GUCY1A2: variants seen among roughly 807,000 people sequenced by gnomAD.
GUCY1A2 encodes the protein guanylate cyclase 1 soluble subunit alpha 2.
GUCY1A2 carries 27 observed loss-of-function variants against 63.5 expected under a neutral mutation model. The ratio of observed to expected loss-of-function variants is 0.43; its 90% CI spans 0.31 to 0.59. The LOEUF is 0.59. Ranked by LOEUF, GUCY1A2 falls within the 20% of genes least tolerant of loss-of-function variation. GUCY1A2 has a pLI of 0.11. For synonymous variants in GUCY1A2, 364 were observed against 343.5 expected (o/e 1.06, Z -0.66); for missense variants, 768 against 913.3 (o/e 0.84, Z 2.05).
At position 107,017,925 on chromosome 11, in the gene GUCY1A2, C is replaced by CCGGG; in HGVS notation, c.127_130dup (p.Gly44AlafsTer75). 1 of 1,312,718 alleles carries CCGGG rather than the reference C, an allele frequency of 7.6e-7. No homozygotes were observed. The highest frequency in any genetic ancestry group is 3.4e-5 in the Admixed American group (1 of 29,838). 81.3% of individuals were successfully genotyped at this position (1,312,718 alleles called of 1,614,324 possible). A position where few individuals can be genotyped will look rare whatever the true frequency, so the allele number is the denominator to read the frequency against. ...TGCGGCCGGGCTGGGCTCCAGCGGC[C>CCGGG]CGGGCGGGCTCCGGCTGCCATTCCA... On this transcript the variant is annotated frameshift_variant, in exon 1 of 8. Transcript: ENST00000526355. LOFTEE classifies it high-confidence loss of function.
intron 4 of GUCY1A2, among the ~76,000 whole-genome samples, chr11:106,850,142 T>G (rs753770621): frequency 6.6e-6 from 1 of 151,800 alleles, no homozygotes; most frequent in East Asian, 1.9e-4. Flanking sequence ...CATATTCCCA[T>G]GTTTCCTTCT....
intron 6 of GUCY1A2, among the ~76,000 whole-genome samples, chr11:106,772,290 T>C (rs1039016539): frequency 2.0e-5 from 3 of 152,178 alleles, no homozygotes; most frequent in Non-Finnish European, 2.9e-5. Context: ...ATTGCTATTA[T>C]AATAACTTGT....
At chr11:106,735,669 A>T (rs1863576954) in intron 6 of GUCY1A2, among the ~76,000 whole-genome samples, 1 of 152,144 alleles carries the variant, frequency 6.6e-6, no homozygotes, top group Non-Finnish European at 1.5e-5. Context: ...TTGCTGGATC[A>T]TATGGTAGTT....
chr11:106,808,058 T>A lies in GUCY1A2; in HGVS notation c.1692+1935A>T, dbSNP rs566584395. ...CTATGGTGGGATTCCACCTTGTGAC[T>A]GTGTGAGTCAATACTCCTTAATAAA... On this transcript the variant is annotated intron_variant, in intron 5 of 7. Coordinates refer to ENST00000526355, the MANE Select transcript of GUCY1A2 (RefSeq NM_000855.3). Among the ~76,000 whole-genome samples, 45 of 152,288 alleles carry A rather than the reference T, an allele frequency of 3.0e-4. 2 individuals carry two copies. In the South Asian group the frequency reaches 8.3e-3, roughly 28 times the overall value.
In GUCY1A2 at chr11:106,725,878, T is replaced by C. The variant is rs79373487; in HGVS notation, c.1837-17212A>G. Among the ~76,000 whole-genome samples, 710 of 151,430 alleles carry C rather than the reference T, an allele frequency of 4.7e-3. 6 individuals carry two copies. Among genetic ancestry groups the C allele is most frequent in the African/African-American group, 0.016 (643 of 41,328 alleles). On this transcript the variant is annotated intron_variant, in intron 6 of 7. Coordinates refer to ENST00000526355, the MANE Select transcript of GUCY1A2 (RefSeq NM_000855.3). ...TTCTTACTCCAGATCTTTTTTTTTT[T>C]CCCTCCTTTTATATACCCATCCACA...
chr11:106,976,804 C>T (rs577048287), intron 3 of GUCY1A2, among the ~76,000 whole-genome samples: 1 of 152,290 alleles, frequency 6.6e-6, no homozygotes, highest in Non-Finnish European at 1.5e-5. Context: ...GTTATAAACA[C>T]TGCACTCACC....
chr11:106,781,055 G>A (rs1864450420), intron 5 of GUCY1A2, among the ~76,000 whole-genome samples: 1 of 141,194 alleles, frequency 7.1e-6, no homozygotes, highest in South Asian at 2.3e-4. Flanking sequence ...CATTGCTCCT[G>A]AGTTTATTTC....
chr11:106,957,549 G>A (rs1861003374), intron 3 of GUCY1A2, among the ~76,000 whole-genome samples: 1 of 151,712 alleles, frequency 6.6e-6, no homozygotes. Flanking sequence ...CCCCTTCCCC[G>A]TGTGGCTCTC....
chr11:107,009,721 C>CA (rs1861718264), intron 1 of GUCY1A2, among the ~76,000 whole-genome samples: 1 of 152,140 alleles, frequency 6.6e-6, no homozygotes, highest in Non-Finnish European at 1.5e-5. Context: ...ATAACAGCAC[C>CA]AATTCACCAC....
At chr11:106,754,664 A>AT (rs1863941758) in intron 6 of GUCY1A2, among the ~76,000 whole-genome samples, 1 of 152,020 alleles carries the variant, frequency 6.6e-6, no homozygotes, top group African/African-American at 2.4e-5. Context: ...ACATTTATTG[A>AT]TTGCATATGT....
At chr11:106,835,415 AG>A (rs1266410541) in intron 4 of GUCY1A2, among the ~76,000 whole-genome samples, 1 of 151,942 alleles carries the variant, frequency 6.6e-6, no homozygotes, top group African/African-American at 2.4e-5. Flanking sequence ...GAGGAGATCA[AG>A]TAATATATGA....
chr11:106,827,846 C>T, intron 4 of GUCY1A2: 1 of 1,600,696 alleles, frequency 6.2e-7, no homozygotes, highest in Non-Finnish European at 8.6e-7. Context: ...CGCCGCCGAC[C>T]ACCATGAACT....
intron 4 of GUCY1A2, among the ~76,000 whole-genome samples, chr11:106,834,124 C>T (rs1859087055): frequency 6.6e-6 from 1 of 151,936 alleles, no homozygotes. Flanking sequence ...AGTACATTAA[C>T]TATAGCCATC....
intron 4 of GUCY1A2, among the ~76,000 whole-genome samples, chr11:106,871,098 G>A (rs1859671052): frequency 6.6e-6 from 1 of 152,062 alleles, no homozygotes; most frequent in Non-Finnish European, 1.5e-5. Context: ...AGTACACAGT[G>A]GAGTAAGTGA....
intron 6 of GUCY1A2, among the ~76,000 whole-genome samples, chr11:106,711,122 C>T (rs1008213130): frequency 2.0e-5 from 3 of 152,004 alleles, no homozygotes; most frequent in Non-Finnish European, 4.4e-5. Flanking sequence ...ACAGTATTTG[C>T]CCTACCATAA....
intron 4 of GUCY1A2, among the ~76,000 whole-genome samples, chr11:106,894,402 G>A (rs1196918505): frequency 1.3e-5 from 2 of 152,110 alleles, no homozygotes; most frequent in Non-Finnish European, 2.9e-5. Flanking sequence ...CTAACACGCA[G>A]AACATCAGTA....
At chr11:106,814,736 G>A (rs574813980) in intron 4 of GUCY1A2, among the ~76,000 whole-genome samples, 4,883 of 152,042 alleles carry the variant, frequency 0.032, 257 homozygotes, top group African/African-American at 0.11. Flanking sequence ...AAATTACACA[G>A]TCATTGCAAC....
At chr11:106,782,701 C>T (rs1864485859) in intron 5 of GUCY1A2, among the ~76,000 whole-genome samples, 1 of 152,152 alleles carries the variant, frequency 6.6e-6, no homozygotes, top group Non-Finnish European at 1.5e-5. Flanking sequence ...TGACTAGAAA[C>T]TGAACAATGA....
At chr11:106,714,162 A>G (rs1276667082) in intron 6 of GUCY1A2, among the ~76,000 whole-genome samples, 1 of 152,134 alleles carries the variant, frequency 6.6e-6, no homozygotes, top group Non-Finnish European at 1.5e-5. Context: ...TAACCCGAAA[A>G]ATGCTGAAGA....
Sources: gnomAD v4.1 joint callset for allele counts (sites outside exome capture counted in the v4.1 genomes callset) on GRCh38, gnomAD v4.1.1 for gene constraint, MANE v1.5 for transcripts, NCBI Gene and HGNC (gene_info 2026-07-23, HGNC 2026-07-21) for gene names.